CLEC4C: variants seen among roughly 807,000 people sequenced by gnomAD.
CLEC4C encodes C-type lectin domain family 4 member C.
CLEC4C carries 17 observed loss-of-function variants against 27.7 expected under a neutral mutation model. That is an observed-to-expected ratio of 0.61 (90% confidence interval 0.42 to 0.92). The LOEUF is 0.92. Among genes scored for constraint, CLEC4C ranks in the 40% least tolerant of loss-of-function variants. The probability of loss-of-function intolerance (pLI) is 0.00; values close to 1 mark genes in which losing one functional copy is unlikely to be tolerated. For synonymous variants in CLEC4C, 80 were observed against 80.8 expected, an observed-to-expected ratio of 0.99 and a Z score of 0.06; for missense variants, 244 against 257.3, an observed-to-expected ratio of 0.95 and a Z score of 0.35.
intron 3 of CLEC4C, among the ~76,000 whole-genome samples, chr12:7,739,663 A>G (rs1864809755): frequency 6.6e-6 from 1 of 151,324 alleles, no homozygotes; most frequent in African/African-American, 2.4e-5. Flanking sequence ...CCATCAATAA[A>G]GCTGATAATT....
At position 7,736,006 on chromosome 12, in the gene CLEC4C, A is replaced by G. The variant is rs7964666; in HGVS notation, c.381+1423T>C. Among the ~76,000 whole-genome samples the G allele has an allele frequency of 4.7e-3, 708 of 152,170 alleles. 4 individuals are homozygous for G. The highest frequency in any genetic ancestry group is 0.016 in the African/African-American group (671 of 41,544). Reference sequence around the variant, plus strand: ...AGAAGATTAGTCAAGTGGGAGGGCCAGGTGTGGTGGCTCACGCCTGTAATC... The same window carrying G: ...AGAAGATTAGTCAAGTGGGAGGGCCGGGTGTGGTGGCTCACGCCTGTAATC... On this transcript the variant is annotated intron_variant, in intron 4 of 5. Coordinates refer to ENST00000360345, the MANE Select transcript of CLEC4C (RefSeq NM_001371390.1).
At chr12:7,732,470 GGCT>G (rs1864619154) in intron 4 of CLEC4C, among the ~76,000 whole-genome samples, 2 of 151,370 alleles carry the variant, frequency 1.3e-5, no homozygotes, top group African/African-American at 4.9e-5. Context: ...TTCTGCCTCA[GGCT>G]CCAGAGTAGC....
chr12:7,743,562 A>AT (rs137896402), intron 2 of CLEC4C, among the ~76,000 whole-genome samples: 32,597 of 146,620 alleles, frequency 0.22, 4,150 homozygotes, highest in Admixed American at 0.32. Flanking sequence ...TTTTTTTTGT[A>AT]TTTTTTTTTT....
chr12:7,730,743 C>T (rs990155110), intron 5 of CLEC4C, 54 bp downstream of exon 5: 5 of 910,336 alleles, frequency 5.5e-6, no homozygotes, highest in Non-Finnish European at 9.1e-6. Flanking sequence ...GATGGAACAC[C>T]CTAAACCCCT....
At chr12:7,739,207 G>A (rs1864798077) in intron 3 of CLEC4C, among the ~76,000 whole-genome samples, 2 of 151,688 alleles carry the variant, frequency 1.3e-5, no homozygotes, top group South Asian at 2.1e-4. Context: ...TCGCCTCCCG[G>A]GTTCAAGCAA....
chr12:7,745,493 C>T (rs1010458805), intron 2 of CLEC4C, among the ~76,000 whole-genome samples: 85 of 115,534 alleles, frequency 7.4e-4, no homozygotes, highest in African/African-American at 2.6e-3. Flanking sequence ...AGTGCAGTGG[C>T]GTGATCTCGG....
At chr12:7,732,144 C>T (rs1345755296) in intron 4 of CLEC4C, among the ~76,000 whole-genome samples, 4 of 151,770 alleles carry the variant, frequency 2.6e-5, no homozygotes, top group African/African-American at 7.3e-5. Flanking sequence ...AGTATCCTGC[C>T]GCAGCCTCCT....
At chr12:7,735,539 G>C (rs1460452477) in intron 4 of CLEC4C, among the ~76,000 whole-genome samples, 1 of 146,090 alleles carries the variant, frequency 6.8e-6, no homozygotes, top group Non-Finnish European at 1.5e-5. Context: ...AGGCACGGTG[G>C]CTCACGCCTG....
intron 4 of CLEC4C, 67 bp downstream of exon 4, chr12:7,737,362 T>A: frequency 6.9e-6 from 7 of 1,015,786 alleles, no homozygotes; most frequent in Non-Finnish European, 6.6e-6. Flanking sequence ...TTCAGGGCAA[T>A]AAAAAGACTC....
At chr12:7,743,440 A>G (rs1864904233) in intron 2 of CLEC4C, among the ~76,000 whole-genome samples, 1 of 149,120 alleles carries the variant, frequency 6.7e-6, no homozygotes, top group South Asian at 2.1e-4. Context: ...GCTGGAGTGC[A>G]GTGGCGCGAT....
At chr12:7,739,610 C>G (rs1864808833) in intron 3 of CLEC4C, among the ~76,000 whole-genome samples, 1 of 152,064 alleles carries the variant, frequency 6.6e-6, no homozygotes, top group African/African-American at 2.4e-5. Flanking sequence ...TAGGGAGCAA[C>G]AGTTTGGCCT....
At chr12:7,746,255 G>A (rs1033672065) in intron 2 of CLEC4C, 76 bp downstream of exon 2, 29 of 787,360 alleles carry the variant, frequency 3.7e-5, no homozygotes, top group Middle Eastern at 2.4e-4. Flanking sequence ...AAAGAGGAAC[G>A]TGTTTCTTCA....
At chr12:7,738,920 G>A (rs1484139766) in intron 3 of CLEC4C, among the ~76,000 whole-genome samples, 2 of 151,754 alleles carry the variant, frequency 1.3e-5, no homozygotes, top group African/African-American at 2.4e-5. Flanking sequence ...CCATTAACTC[G>A]TCATTTATGT....
rs185590529 is a variant in CLEC4C at position 7,747,119 on chromosome 12, G to A, written c.31+199C>T. Among the ~76,000 whole-genome samples, 15 of 152,254 alleles carry A rather than the reference G, an allele frequency of 9.9e-5. No individual in the cohort carries two copies. The East Asian group carries it at 1.4e-3, about 14-fold the overall frequency. Reference sequence around the variant, plus strand: ...ATTACAGGCGTGAGCCACCGCGCCCGCCCGGCCTTTCTTTTTTTCTTTCAT... The same window carrying A: ...ATTACAGGCGTGAGCCACCGCGCCCACCCGGCCTTTCTTTTTTTCTTTCAT... On this transcript the variant is annotated intron_variant, in intron 1 of 5. Transcript: ENST00000360345.
intron 3 of CLEC4C, 115 bp from the exon 4 acceptor site, chr12:7,737,689 T>A: frequency 2.0e-6 from 2 of 1,020,474 alleles, no homozygotes; most frequent in Non-Finnish European, 2.8e-6. Context: ...TCTCCACGGA[T>A]TTTCCAAAGC....
Position 7,737,543 on chromosome 12 carries a change from T to A in CLEC4C, c.267A>T (p.Ser89=). 6.2e-7 allele frequency: 1 copy of A among 1,613,930 alleles called. No individual in the cohort carries two copies. The highest frequency in any genetic ancestry group is 8.5e-7 in the Non-Finnish European group (1 of 1,179,976). ...DWSCCPTPWT[S]FQSSCYFIST... ...AAATAAAGTAGCAACTAGACTGAAA[T>A]GAAGTCCAAGGGGTTGGGCAGCAGC... Residue 89 remains serine (S), a synonymous_variant, in exon 4 of 6, where the codon TCA becomes TCT. Coordinates refer to ENST00000360345, the MANE Select transcript of CLEC4C (RefSeq NM_001371390.1).
intron 4 of CLEC4C, among the ~76,000 whole-genome samples, chr12:7,735,430 G>A (rs1864700620): frequency 6.8e-6 from 1 of 146,988 alleles, no homozygotes; most frequent in African/African-American, 2.5e-5. Context: ...TTGAACCCAG[G>A]AAGCAGAGGT....
At chr12:7,739,346 C>T (rs1176711277) in intron 3 of CLEC4C, among the ~76,000 whole-genome samples, 4 of 151,978 alleles carry the variant, frequency 2.6e-5, no homozygotes, top group South Asian at 2.1e-4. Context: ...CTCTTGACCT[C>T]GTGATCCGCC....
upstream of CLEC4C, chr12:7,747,575 C>A: frequency 2.2e-5 from 7 of 318,044 alleles, no homozygotes; most frequent in South Asian, 1.5e-4. Context: ...TAAGGAAACA[C>A]AAACAAGGAA....
Sources: allele counts gnomAD v4.1 joint callset (sites outside exome capture counted in the v4.1 genomes callset), GRCh38; gene constraint gnomAD v4.1.1; transcripts MANE v1.5; gene names NCBI Gene and HGNC (gene_info 2026-07-23, HGNC 2026-07-21).